KIF26B: variants seen among roughly 807,000 people sequenced by gnomAD.
KIF26B encodes kinesin-like protein KIF26B.
KIF26B carries 63 observed loss-of-function variants against 151.2 expected under a neutral mutation model. That is an observed-to-expected ratio of 0.42 (90% CI 0.34 to 0.51). KIF26B has a LOEUF of 0.51. Among genes scored for constraint, KIF26B ranks in the 20% least tolerant of loss-of-function variants. The pLI is 0.07. For missense variants in KIF26B, 2,813 were observed against 2,913.6 expected (o/e 0.97, Z 0.79); for synonymous variants, 1,357 against 1,262.1 (o/e 1.08, Z -1.59).
intron 2 of KIF26B, among the ~76,000 whole-genome samples, chr1:245,243,240 A>G (rs1215751838): frequency 2.6e-5 from 4 of 152,100 alleles, no homozygotes; most frequent in African/African-American, 7.2e-5. Context: ...ATATTTGCCA[A>G]TCACATGGGT....
intron 4 of KIF26B, among the ~76,000 whole-genome samples, chr1:245,465,904 C>G (rs1282946694): frequency 1.3e-5 from 2 of 152,212 alleles, no homozygotes; most frequent in Non-Finnish European, 2.9e-5. Context: ...TCTCCAAGGG[C>G]TGAGCCCATC....
In KIF26B at chr1:245,166,860, C is replaced by A. The variant is rs565250027; in HGVS notation, c.465+10177C>A. On this transcript the variant is annotated intron_variant, in intron 2 of 14. Transcript: ENST00000407071. The surrounding 1 kb of genome is among the most constrained non-coding windows in gnomAD (Gnocchi z 4.5). ...ATCAGCTCTCAGGGCTGGAGGTGAC[C>A]GTGGAGGAGAGGGATCCTGTGAGCT... Among the ~76,000 whole-genome samples, 15 of 152,132 alleles carry A rather than the reference C, an allele frequency of 9.9e-5. No homozygotes were observed. The highest frequency in any genetic ancestry group is 1.9e-4 in the Non-Finnish European group (13 of 68,002).
chr1:245,685,820 C>A lies in KIF26B; in HGVS notation c.2837C>A (p.Pro946His), dbSNP rs2044505830. 1 of 1,610,754 alleles carries A rather than the reference C, an allele frequency of 6.2e-7. No homozygotes were observed. ...IDGSEEPSSF[P>H]FEELPAQFGP... ...GGCAGCGAGGAGCCCAGCAGCTTTC[C>A]TTTCGAAGAACTGCCTGCTCAGTTT... The change falls in exon 12 of 15, where the codon CCT becomes CAT. Residue 946 changes from proline (P) to histidine (H), a missense_variant. Around this residue, in one of 3 missense-constraint regions of KIF26B, gnomAD observed 2,060 missense variants for 2,088.6 expected, o/e 0.99. Transcript: ENST00000407071.
chr1:245,278,261 TC>T (rs1401057428), intron 2 of KIF26B, among the ~76,000 whole-genome samples: 8 of 152,172 alleles, frequency 5.3e-5, no homozygotes. Flanking sequence ...GTCCTCTTTC[TC>T]CTGTTTCAGT....
rs1174395459 is a variant in KIF26B, at chr1:245,218,946, T to C, written c.465+62263T>C. 6.6e-6 allele frequency among the ~76,000 whole-genome samples: 1 copy of C among 151,994 alleles called. No individual in the cohort carries two copies. The highest frequency in any genetic ancestry group is 1.5e-5 in the Non-Finnish European group (1 of 68,020). On this transcript the variant is annotated intron_variant, in intron 2 of 14. Transcript: ENST00000407071. The surrounding 1 kb of genome is among the most constrained non-coding windows in gnomAD (Gnocchi z 4.1). Reference sequence around the variant, plus strand: ...GGCATTTCTGACTTTGCCATTTCAGTTGGCACTGACCCTTCCAAGACTGTG... The same window carrying C: ...GGCATTTCTGACTTTGCCATTTCAGCTGGCACTGACCCTTCCAAGACTGTG...
intron 4 of KIF26B, among the ~76,000 whole-genome samples, chr1:245,438,993 A>C (rs966300890): frequency 1.3e-5 from 2 of 152,226 alleles, no homozygotes; most frequent in East Asian, 1.9e-4. Context: ...ACAGGTGGAT[A>C]CATATGACAA....
At chr1:245,443,679 C>T (rs113152458) in intron 4 of KIF26B, among the ~76,000 whole-genome samples, 1 of 91,398 alleles carries the variant, frequency 1.1e-5, no homozygotes, top group Non-Finnish European at 2.3e-5. Flanking sequence ...GGTCATCTCC[C>T]TCACTGTTCA....
chr1:245,678,869 GAAA>G (rs35030829), intron 10 of KIF26B, among the ~76,000 whole-genome samples: 1 of 142,974 alleles, frequency 7.0e-6, no homozygotes, highest in Admixed American at 6.9e-5. Flanking sequence ...TCTCAAAAAA[GAAA>G]AAAAAAAAAG....
At chr1:245,433,249 AG>A (rs1315651080) in intron 4 of KIF26B, among the ~76,000 whole-genome samples, 1 of 151,998 alleles carries the variant, frequency 6.6e-6, no homozygotes, top group Admixed American at 6.6e-5. Flanking sequence ...GTGGATCACA[AG>A]GTCAGGAGTT....
chr1:245,544,633 T>C (rs997779239), intron 5 of KIF26B, among the ~76,000 whole-genome samples: 1 of 152,212 alleles, frequency 6.6e-6, no homozygotes, highest in Non-Finnish European at 1.5e-5. Context: ...CCATTTTATT[T>C]CCTACTGTAT....
chr1:245,417,300 ACT>A (rs1491529553), intron 3 of KIF26B, among the ~76,000 whole-genome samples: 2 of 87,608 alleles, frequency 2.3e-5, no homozygotes, highest in African/African-American at 4.7e-5. Context: ...GAAGGGGAAG[ACT>A]TTTTTTTTTC....
intron 4 of KIF26B, among the ~76,000 whole-genome samples, chr1:245,497,683 C>T (rs553510407): frequency 1.3e-5 from 2 of 152,260 alleles, no homozygotes; most frequent in African/African-American, 4.8e-5. Context: ...AATAACTACT[C>T]CTATAATGTA....
At chr1:245,235,501 G>C (rs1170912379) in intron 2 of KIF26B, among the ~76,000 whole-genome samples, 1 of 152,106 alleles carries the variant, frequency 6.6e-6, no homozygotes, top group African/African-American at 2.4e-5. Context: ...GCAGAGGTGG[G>C]GGGATCGCTT....
intron 3 of KIF26B, among the ~76,000 whole-genome samples, chr1:245,399,968 T>G (rs1460046551): frequency 6.6e-6 from 1 of 152,218 alleles, no homozygotes; most frequent in Non-Finnish European, 1.5e-5. Context: ...TACCTTTCTT[T>G]CTTAGTATAA....
Position 245,563,055 on chromosome 1 carries a change from C to T in KIF26B, c.1350+22105C>T, listed in dbSNP as rs957700686. Among the ~76,000 whole-genome samples, 1 of 152,174 alleles carries T rather than the reference C, an allele frequency of 6.6e-6. No individual in the cohort carries two copies. The highest frequency in any genetic ancestry group is 2.4e-5 in the African/African-American group (1 of 41,438). On this transcript the variant is annotated intron_variant, in intron 5 of 14. Coordinates refer to ENST00000407071, the MANE Select transcript of KIF26B (RefSeq NM_018012.4). The surrounding 1 kb of genome is among the most constrained non-coding windows in gnomAD (Gnocchi z 4.6). ...TTTGCATCCTGCCACCTCCCCAGCA[C>T]AGCCAGCATAGGAGCCGGCACTTAG...
At chr1:245,379,987 A>AAT (rs60861363) in intron 3 of KIF26B, among the ~76,000 whole-genome samples, 6,199 of 151,004 alleles carry the variant, frequency 0.041, 258 homozygotes, top group African/African-American at 0.097. Flanking sequence ...AAAAAAAAAA[A>AAT]GTCCTCACCT....
At chr1:245,470,267 C>T (rs936160998) in intron 4 of KIF26B, among the ~76,000 whole-genome samples, 9 of 151,742 alleles carry the variant, frequency 5.9e-5, no homozygotes, top group Middle Eastern at 3.4e-3. Flanking sequence ...AGAAGGGAGG[C>T]GAACTAGGCT....
chr1:245,628,101 A>T (rs537511050), intron 9 of KIF26B, among the ~76,000 whole-genome samples: 2 of 152,346 alleles, frequency 1.3e-5, no homozygotes, highest in South Asian at 2.1e-4. Context: ...AAACAATAGA[A>T]AAAGAGGGAA....
chr1:245,394,692 T>TTTC (rs201583018), intron 3 of KIF26B, among the ~76,000 whole-genome samples: 2,520 of 144,900 alleles, frequency 0.017, 111 homozygotes, highest in African/African-American at 0.061. Context: ...TTCTTTCTTT[T>TTTC]TTTTTTTTTT....
Sources: allele counts gnomAD v4.1 joint callset (sites outside exome capture counted in the v4.1 genomes callset), GRCh38; gene constraint gnomAD v4.1.1; regional missense constraint gnomAD v4.1.1; non-coding constraint Gnocchi (gnomAD v3.1); transcripts MANE v1.5; gene names NCBI Gene and HGNC (gene_info 2026-07-23, HGNC 2026-07-21).